A2ML1: variants seen among roughly 807,000 people sequenced by gnomAD.
A2ML1 encodes the protein alpha-2-macroglobulin-like protein 1.
In A2ML1, 161 loss-of-function variants were observed where a neutral mutation model predicts 181.9. The observed-to-expected ratio is 0.89, with a 90% CI of 0.78 to 1.01. The LOEUF is 1.01. Ranked by LOEUF, A2ML1 falls within the 50% of genes least tolerant of loss-of-function variation. The pLI is 0.00. For synonymous variants in A2ML1, 663 were observed against 666.8 expected (o/e 0.99, Z 0.09); for missense variants, 1,670 against 1,768.1 (o/e 0.94, Z 1.00).
At chr12:8,855,945 C>T (rs1944049859) in intron 23 of A2ML1, among the ~76,000 whole-genome samples, 1 of 152,114 alleles carries the variant, frequency 6.6e-6, no homozygotes, top group Admixed American at 6.5e-5. Context: ...GAAGATACAA[C>T]CATATTTACA....
chr12:8,832,788 T>C (rs1943158716), intron 4 of A2ML1, among the ~76,000 whole-genome samples: 1 of 152,156 alleles, frequency 6.6e-6, no homozygotes, highest in African/African-American at 2.4e-5. Context: ...TAGCGTTGGT[T>C]AGGTCTGATT....
chr12:8,839,136 A>G lies in A2ML1; in HGVS notation c.994A>G (p.Asn332Asp). The G allele has an allele frequency of 3.7e-6, 6 of 1,613,394 alleles. No homozygotes were observed. The highest frequency in any genetic ancestry group is 5.1e-6 in the Non-Finnish European group (6 of 1,179,602). The stretch of plus-strand genomic sequence containing the variant: ...AGGTGTGGAGGCCAATGCCACTCAG[A>G]ATATCTACATTTCTCCACAAATGGG... ...GTGVEANATQNIYISPQMGSM... is the reference protein window; with the variant it reads ...GTGVEANATQDIYISPQMGSM... The change falls in exon 10 of 36, where the codon AAT becomes GAT. Residue 332 changes from asparagine to aspartate, a missense_variant. Coordinates refer to ENST00000299698, the MANE Select transcript of A2ML1 (RefSeq NM_144670.6).
At chr12:8,861,968 C>T (rs1944282705) in intron 28 of A2ML1, among the ~76,000 whole-genome samples, 1 of 151,596 alleles carries the variant, frequency 6.6e-6, no homozygotes, top group African/African-American at 2.4e-5. Flanking sequence ...CCCTGTTGAC[C>T]AGGGTGGTCT....
intron 11 of A2ML1, among the ~76,000 whole-genome samples, chr12:8,842,263 G>C (rs1032171242): frequency 6.6e-6 from 1 of 151,284 alleles, no homozygotes; most frequent in African/African-American, 2.4e-5. Context: ...TGTCACCCAG[G>C]CTGGAGTGCA....
chr12:8,857,870 C>T, intron 25 of A2ML1, 76 bp from the exon 26 acceptor site: 1 of 1,566,704 alleles, frequency 6.4e-7, no homozygotes, highest in Non-Finnish European at 8.7e-7. Context: ...AGTATACACC[C>T]AAATAAATGA....
intron 4 of A2ML1, chr12:8,830,896 C>A (rs1425393062): frequency 6.6e-6 from 1 of 151,808 alleles, no homozygotes; most frequent in Non-Finnish European, 1.5e-5. Context: ...TCCTTCCCAT[C>A]ACCTATGGCT....
intron 4 of A2ML1, 85 bp downstream of exon 4, chr12:8,829,864 TGGGCG>T: frequency 1.3e-6 from 2 of 1,571,390 alleles, no homozygotes; most frequent in Non-Finnish European, 1.7e-6. Context: ...CCTCTCAGCC[TGGGCG>T]TGGCAAGGCG....
chr12:8,860,762 T>C (rs1944227625), intron 26 of A2ML1, 119 bp from the exon 27 acceptor site: 2 of 860,324 alleles, frequency 2.3e-6, no homozygotes, highest in Non-Finnish European at 3.7e-6. Context: ...AGCTTTCTTT[T>C]CTTTTTTCTT....
At chr12:8,845,333 T>A in intron 12 of A2ML1, 109 bp from the exon 13 acceptor site, 7 of 1,447,332 alleles carry the variant, frequency 4.8e-6, no homozygotes, top group Non-Finnish European at 6.7e-6. Context: ...GACTCTGAAC[T>A]GTGAAAGGAA....
chr12:8,871,657 C>T (rs1944625899), intron 33 of A2ML1, among the ~76,000 whole-genome samples: 1 of 151,878 alleles, frequency 6.6e-6, no homozygotes, highest in South Asian at 2.1e-4. Flanking sequence ...TACATTTCTG[C>T]CAATTGTTTC....
intron 4 of A2ML1, 149 bp downstream of exon 4, chr12:8,829,928 G>C: frequency 4.5e-6 from 4 of 894,502 alleles, no homozygotes; most frequent in Non-Finnish European, 6.8e-6. Flanking sequence ...GGAAGTGCTG[G>C]GCGAGCTTCA....
intron 32 of A2ML1, 93 bp downstream of exon 32, chr12:8,868,720 T>C (rs200315674): frequency 8.2e-6 from 5 of 607,786 alleles, no homozygotes; most frequent in Non-Finnish European, 1.4e-5. Context: ...ATGGCGTGTA[T>C]ACACACACAC....
At chr12:8,876,796 G>A (rs1352204829), downstream of A2ML1, 1 of 152,162 alleles carries the variant, frequency 6.6e-6, no homozygotes, top group African/African-American at 2.4e-5. Flanking sequence ...TGTGCATTTA[G>A]TTCTATGCAT....
chr12:8,857,037 C>T (rs756992466), intron 23 of A2ML1, 127 bp from the exon 24 acceptor site: 69 of 936,360 alleles, frequency 7.4e-5, no homozygotes, highest in Non-Finnish European at 8.6e-5. Context: ...TGAGCCACCA[C>T]GCCCGGCCCA....
chr12:8,838,822 G>A (rs780156355), intron 9 of A2ML1, among the ~76,000 whole-genome samples: 23 of 151,434 alleles, frequency 1.5e-4, no homozygotes, highest in Non-Finnish European at 3.1e-4. Context: ...GGCTGAGGCA[G>A]GAGAATGGCG....
At chr12:8,841,306 T>C in intron 10 of A2ML1, 63 bp from the exon 11 acceptor site, 1 of 1,485,484 alleles carries the variant, frequency 6.7e-7, no homozygotes, top group Non-Finnish European at 9.1e-7. Context: ...AATATTTCAC[T>C]TTACCTCATA....
At chr12:8,855,206 A>G (rs939724086) in intron 22 of A2ML1, among the ~76,000 whole-genome samples, 16 of 152,174 alleles carry the variant, frequency 1.1e-4, no homozygotes, top group Admixed American at 3.3e-4. Flanking sequence ...GGAGATTTTC[A>G]TAGGCAAAAG....
chr12:8,846,051 C>T (rs1565475934), intron 13 of A2ML1, 26 bp from the exon 14 acceptor site: 3 of 1,612,346 alleles, frequency 1.9e-6, no homozygotes, highest in Non-Finnish European at 2.5e-6. Flanking sequence ...TTCTGATTTT[C>T]CTGTATATTC....
At chr12:8,875,035 T>G in intron 35 of A2ML1, 23 bp downstream of exon 35, 2 of 1,612,760 alleles carry the variant, frequency 1.2e-6, no homozygotes, top group East Asian at 4.5e-5. Context: ...GAGAAATGGG[T>G]GGAGTTATGG....
Sources: gnomAD v4.1 joint callset for allele counts (sites outside exome capture counted in the v4.1 genomes callset) on GRCh38, gnomAD v4.1.1 for gene constraint, MANE v1.5 for transcripts, NCBI Gene and HGNC (gene_info 2026-07-23, HGNC 2026-07-21) for gene names.